COX7B2: variants seen among roughly 807,000 people sequenced by gnomAD.
COX7B2 encodes cytochrome c oxidase subunit 7B2, mitochondrial.
For synonymous variants in COX7B2, 37 were observed against 32.1 expected (o/e 1.15, Z -0.51); for missense variants, 109 against 95.9 (o/e 1.14, Z -0.57).
chr4:46,855,863 T>C (rs113438389), intron 1 of COX7B2, among the ~76,000 whole-genome samples: 4 of 152,118 alleles, frequency 2.6e-5, no homozygotes, highest in Admixed American at 2.6e-4. Flanking sequence ...TGACAAGTAA[T>C]TTTCATAGTT....
chr4:46,849,930 A>G lies in COX7B2; in HGVS notation c.-104-4916T>C, dbSNP rs1024910657. 5.8e-4 allele frequency among the ~76,000 whole-genome samples: 88 copies of G among 152,096 alleles called. 1 individual carries two copies. Among genetic ancestry groups the G allele is most frequent in the Non-Finnish European group, 1.8e-4 (12 of 68,010 alleles). On this transcript the variant is annotated intron_variant, in intron 1 of 2. Transcript: ENST00000355591. The stretch of plus-strand genomic sequence containing the variant: ...ACTACCATACTTGAAAATTAAGTCT[A>G]GCCCTGTGCTTCCTCACAGCTATCA...
intron 1 of COX7B2, among the ~76,000 whole-genome samples, chr4:46,887,103 AAAAG>A (rs1719125557): frequency 6.6e-6 from 1 of 152,246 alleles, no homozygotes; most frequent in Non-Finnish European, 1.5e-5. Context: ...AGAAAGGAAA[AAAAG>A]AAAGAAGAGA....
chr4:46,800,342 G>A (rs1051417757), intron 2 of COX7B2, among the ~76,000 whole-genome samples: 1 of 152,026 alleles, frequency 6.6e-6, no homozygotes, highest in Non-Finnish European at 1.5e-5. Flanking sequence ...CAAAGCTGGA[G>A]GCATCACAGT....
intron 1 of COX7B2, among the ~76,000 whole-genome samples, chr4:46,858,290 T>C (rs1178354342): frequency 1.3e-5 from 2 of 151,800 alleles, no homozygotes; most frequent in African/African-American, 4.8e-5. Context: ...GATGGGGGGG[T>C]TCGCCATATT....
intron 1 of COX7B2, among the ~76,000 whole-genome samples, chr4:46,846,686 G>A (rs1262215230): frequency 1.3e-5 from 2 of 152,016 alleles, no homozygotes; most frequent in African/African-American, 4.8e-5. Flanking sequence ...GAAGAGGCTA[G>A]AGAAGTAACA....
intron 2 of COX7B2, among the ~76,000 whole-genome samples, chr4:46,832,975 G>A (rs150582529): frequency 3.3e-5 from 5 of 151,742 alleles, no homozygotes; most frequent in African/African-American, 1.2e-4. Context: ...GCGTGATCTT[G>A]GCTTACCACA....
At chr4:46,908,173 G>A (rs1038747851) in intron 1 of COX7B2, among the ~76,000 whole-genome samples, 13 of 151,890 alleles carry the variant, frequency 8.6e-5, no homozygotes, top group Non-Finnish European at 1.6e-4. Flanking sequence ...GACTATCTAT[G>A]CCCCCTATGT....
intron 2 of COX7B2, among the ~76,000 whole-genome samples, chr4:46,836,847 C>A (rs1000583224): frequency 6.6e-6 from 1 of 152,032 alleles, no homozygotes; most frequent in East Asian, 1.9e-4. Context: ...ACAGCTGCAA[C>A]GTCACTAGGC....
chr4:46,751,965 G>A (rs1035792891), intron 2 of COX7B2, among the ~76,000 whole-genome samples: 2 of 152,094 alleles, frequency 1.3e-5, no homozygotes, highest in East Asian at 1.9e-4. Context: ...AAAGTAATTC[G>A]TAGCTTGATG....
intron 1 of COX7B2, among the ~76,000 whole-genome samples, chr4:46,852,421 A>T (rs1370418358): frequency 1.3e-5 from 2 of 151,954 alleles, no homozygotes; most frequent in African/African-American, 4.8e-5. Context: ...CTACTTCTCT[A>T]AGGAGTTCTA....
At chr4:46,742,805 G>A (rs1386312456) in intron 2 of COX7B2, among the ~76,000 whole-genome samples, 1 of 152,130 alleles carries the variant, frequency 6.6e-6, no homozygotes, top group Non-Finnish European at 1.5e-5. Context: ...AAGGGATATT[G>A]AGGTAGGCAC....
chr4:46,871,940 C>A (rs540723254), intron 1 of COX7B2, among the ~76,000 whole-genome samples: 8 of 152,174 alleles, frequency 5.3e-5, no homozygotes, highest in African/African-American at 1.4e-4. Flanking sequence ...AAAAGAAGAA[C>A]TACCATTCAA....
chr4:46,800,353 A>G (rs1362069526), intron 2 of COX7B2, among the ~76,000 whole-genome samples: 3 of 152,160 alleles, frequency 2.0e-5, no homozygotes, highest in African/African-American at 4.8e-5. Flanking sequence ...GCATCACAGT[A>G]CTAAACTTTA....
intron 1 of COX7B2, among the ~76,000 whole-genome samples, chr4:46,866,286 G>C (rs1459066408): frequency 6.6e-6 from 1 of 152,250 alleles, no homozygotes; most frequent in East Asian, 1.9e-4. Flanking sequence ...TACCTCTATA[G>C]ATCCACCTTG....
At chr4:46,816,148 A>G (rs563611343) in intron 2 of COX7B2, among the ~76,000 whole-genome samples, 1 of 152,204 alleles carries the variant, frequency 6.6e-6, no homozygotes, top group East Asian at 1.9e-4. Context: ...ACAGCCTGTA[A>G]AATTATTGTG....
intron 2 of COX7B2, among the ~76,000 whole-genome samples, chr4:46,745,171 A>T (rs1470204229): frequency 6.6e-6 from 1 of 152,256 alleles, no homozygotes; most frequent in Non-Finnish European, 1.5e-5. Flanking sequence ...TTTAGATTGG[A>T]ATATTTAGCA....
At chr4:46,768,102 GCGTAAGTGTTAAA>G (rs778794653) in intron 2 of COX7B2, among the ~76,000 whole-genome samples, 6 of 152,252 alleles carry the variant, frequency 3.9e-5, no homozygotes, top group Non-Finnish European at 7.3e-5. Context: ...TCCACGGATT[GCGTAAGTGTTAAA>G]CAGCTCACTG....
chr4:46,855,497 A>G lies in COX7B2; in HGVS notation c.-104-10483T>C, dbSNP rs376751452. 6.6e-5 allele frequency among the ~76,000 whole-genome samples: 10 copies of G among 152,066 alleles called. No individual in the cohort carries two copies. In the East Asian group the frequency reaches 1.7e-3, roughly 26 times the overall value. On this transcript the variant is annotated intron_variant, in intron 1 of 2. Transcript: ENST00000355591. Reference sequence around the variant, plus strand: ...AAAGAGAGAAAAGTATACAGGGAGAATGACAAAATAGATACTAATTTTCAT... The same window carrying G: ...AAAGAGAGAAAAGTATACAGGGAGAGTGACAAAATAGATACTAATTTTCAT...
chr4:46,823,153 C>T (rs1471730398), intron 2 of COX7B2, among the ~76,000 whole-genome samples: 2 of 152,072 alleles, frequency 1.3e-5, no homozygotes, highest in Non-Finnish European at 2.9e-5. Flanking sequence ...AGTGAAAATC[C>T]TGAAACAGTG....
Sources: gnomAD v4.1 joint callset for allele counts (sites outside exome capture counted in the v4.1 genomes callset) on GRCh38, gnomAD v4.1.1 for gene constraint, MANE v1.5 for transcripts, NCBI Gene and HGNC (gene_info 2026-07-23, HGNC 2026-07-21) for gene names.